Variants in RGPD1 observed in about 807,000 individuals in gnomAD.
RGPD1 encodes the protein RANBP2-like and GRIP domain-containing protein 1.
A neutral mutation model predicts 40.6 loss-of-function variants in RGPD1; 7 were observed. That is an observed-to-expected ratio of 0.17 (90% CI 0.10 to 0.32). RGPD1 has a LOEUF of 0.32. Ranked by LOEUF, RGPD1 falls within the 10% of genes least tolerant of loss-of-function variation. RGPD1 has a pLI of 1.00. For missense variants in RGPD1, 50 were observed against 472.5 expected, an observed-to-expected ratio of 0.11 and a Z score of 8.29; for synonymous variants, 24 against 167.0, an observed-to-expected ratio of 0.14 and a Z score of 6.60.
chr2:86,915,369 A>G (rs1298074033), intron 1 of RGPD1, among the ~76,000 whole-genome samples: 1 of 149,044 alleles, frequency 6.7e-6, no homozygotes, highest in Non-Finnish European at 1.5e-5. Flanking sequence ...CTGCTGGTAA[A>G]TGGTATTCCA....
intron 1 of RGPD1, among the ~76,000 whole-genome samples, chr2:86,927,499 C>T (rs187532969): frequency 1.3e-4 from 19 of 150,342 alleles, no homozygotes; most frequent in Non-Finnish European, 1.6e-4. Context: ...GGCAAAAGAA[C>T]TCTGGACACA....
chr2:86,945,335 C>T (rs1680269444), intron 1 of RGPD1, among the ~76,000 whole-genome samples: 1 of 151,904 alleles, frequency 6.6e-6, no homozygotes, highest in Non-Finnish European at 1.5e-5. Flanking sequence ...ACATGTGAAG[C>T]TATTCTGTAA....
intron 1 of RGPD1, chr2:86,930,538 A>G: frequency 1.3e-6 from 2 of 1,572,882 alleles, no homozygotes; most frequent in Non-Finnish European, 1.7e-6. Context: ...CGGAAGGCCC[A>G]ACAGCAGCTA....
At chr2:86,949,040 T>TA (rs1250301540) in intron 1 of RGPD1, among the ~76,000 whole-genome samples, 1 of 131,258 alleles carries the variant, frequency 7.6e-6, no homozygotes, top group Non-Finnish European at 1.6e-5. Context: ...TGGTTTTACT[T>TA]ACCTGCGTCA....
intron 1 of RGPD1, among the ~76,000 whole-genome samples, chr2:86,932,067 G>A (rs1573586869): frequency 6.9e-6 from 1 of 144,554 alleles, no homozygotes; most frequent in East Asian, 2.0e-4. Context: ...GACTTGGAAG[G>A]GCAAATAACT....
intron 1 of RGPD1, among the ~76,000 whole-genome samples, chr2:86,915,277 T>TA (rs2104650264): frequency 6.6e-6 from 1 of 150,830 alleles, no homozygotes; most frequent in African/African-American, 2.4e-5. Flanking sequence ...GCCTAGGTGA[T>TA]AGAGTTAGGG....
chr2:86,919,031 ATTTAT>A (rs1256370746), intron 1 of RGPD1, among the ~76,000 whole-genome samples: 1 of 30,556 alleles, frequency 3.3e-5, no homozygotes, highest in African/African-American at 1.8e-4. Flanking sequence ...CGTTATTGGA[ATTTAT>A]AAACATCCTT....
At chr2:86,944,471 C>T (rs1680183036) in intron 1 of RGPD1, among the ~76,000 whole-genome samples, 2 of 151,658 alleles carry the variant, frequency 1.3e-5, no homozygotes, top group Non-Finnish European at 1.5e-5. Flanking sequence ...GGCGCTATCT[C>T]GACTCACTGC....
chr2:86,943,160 A>C (rs1490685434), intron 1 of RGPD1, among the ~76,000 whole-genome samples: 2 of 150,732 alleles, frequency 1.3e-5, no homozygotes, highest in East Asian at 3.9e-4. Context: ...CAGCACGGAC[A>C]TTTGCAGTGG....
chr2:86,942,877 G>A (rs1292545858), intron 1 of RGPD1, among the ~76,000 whole-genome samples: 3 of 152,030 alleles, frequency 2.0e-5, no homozygotes, highest in East Asian at 3.9e-4. Flanking sequence ...CTTTGGCGCC[G>A]GATCTTCCTC....
At chr2:86,930,835 C>T (rs1573583770) in intron 1 of RGPD1, 5 of 802,340 alleles carry the variant, frequency 6.2e-6, no homozygotes, top group Non-Finnish European at 9.6e-6. Flanking sequence ...CTGCCACTGC[C>T]ATGGTCCCTG....
At chr2:87,000,313 A>G (rs1011589953) in intron 22 of RGPD1, among the ~76,000 whole-genome samples, 2 of 132,352 alleles carry the variant, frequency 1.5e-5, no homozygotes, top group Non-Finnish European at 1.5e-5. Flanking sequence ...GTCTCTTTTA[A>G]AAGCTCAGCA....
In RGPD1 at chr2:86,942,228, G is replaced by T. The variant is rs1390225387; in HGVS notation, c.-9G>T. On this transcript the variant is annotated 5_prime_UTR_variant, in exon 1 of 23. Transcript: ENST00000641458. ...TTTCACGCGTCTCGGGAGCCAGGTT[G>T]GCGGTGCGATGAGGCGCAGCAAGGC... The T allele has an allele frequency of 5.0e-5, 80 of 1,603,136 alleles. No individual in the cohort carries two copies. The highest frequency in any genetic ancestry group is 1.0e-4 in the Admixed American group (6 of 59,216).
intron 1 of RGPD1, among the ~76,000 whole-genome samples, chr2:86,943,294 G>A (rs181711490): frequency 0.024 from 2,163 of 89,240 alleles, 18 homozygotes; most frequent in Middle Eastern, 0.059. Flanking sequence ...ACCCCGCCCA[G>A]AACACTTTGG....
At chr2:86,914,108 G>GCGGCGGCGGCCT (rs1677602996) in intron 1 of RGPD1, among the ~76,000 whole-genome samples, 1 of 82,246 alleles carries the variant, frequency 1.2e-5, no homozygotes, top group African/African-American at 6.3e-5. Context: ...GGCGGCGGCG[G>GCGGCGGCGGCCT]CGGCCTCGGC....
At chr2:86,942,529 C>T (rs1460012687) in intron 1 of RGPD1, among the ~76,000 whole-genome samples, 1 of 132,602 alleles carries the variant, frequency 7.5e-6, no homozygotes, top group Non-Finnish European at 1.7e-5. Context: ...GCGGCGGCCT[C>T]GACCTGGCCG....
At chr2:86,915,185 A>C (rs898908944) in intron 1 of RGPD1, among the ~76,000 whole-genome samples, 1 of 150,368 alleles carries the variant, frequency 6.7e-6, no homozygotes, top group Non-Finnish European at 1.5e-5. Flanking sequence ...AATCTCAGCT[A>C]CTTGGGAGTC....
chr2:86,915,016 C>T (rs1157518577), intron 1 of RGPD1, among the ~76,000 whole-genome samples: 1 of 149,758 alleles, frequency 6.7e-6, no homozygotes, highest in Admixed American at 6.7e-5. Context: ...GACATGCCTG[C>T]TGGGCATGGT....
rs1682276484 is a variant in RGPD1, at chr2:87,013,571, C to T, written c.*1024C>T. 1 of 80,424 alleles carries T rather than the reference C, an allele frequency of 1.2e-5. No homozygotes were observed. Among genetic ancestry groups the T allele is most frequent in the African/African-American group, 5.8e-5 (1 of 17,152 alleles). 5.0% of individuals were successfully genotyped at this position (80,424 alleles called of 1,614,324 possible). On this transcript the variant is annotated 3_prime_UTR_variant, in exon 23 of 23. Transcript: ENST00000641458. ...GGGGGAATGGCAGGCTTTTCCGAGG[C>T]TGAAAGAGATCCAACCCACTTCTAT...
Sources: allele counts gnomAD v4.1 joint callset (sites outside exome capture counted in the v4.1 genomes callset), GRCh38; gene constraint gnomAD v4.1.1; transcripts MANE v1.5; gene names NCBI Gene and HGNC (gene_info 2026-07-23, HGNC 2026-07-21).